DNAH14: variants seen among roughly 807,000 people sequenced by gnomAD.
DNAH14 encodes dynein axonemal heavy chain 14.
In DNAH14, 478 loss-of-function variants were observed where a neutral mutation model predicts 520.9. The ratio of observed to expected loss-of-function variants is 0.92; its 90% CI spans 0.85 to 0.99. The LOEUF is 0.99. DNAH14 is among the 50% of genes least tolerant of loss of function. The pLI is 0.00. For synonymous variants in DNAH14, 1,581 were observed against 1,757.2 expected (o/e 0.90, Z 2.51); for missense variants, 4,831 against 5,234.5 (o/e 0.92, Z 2.38).
intron 15 of DNAH14, among the ~76,000 whole-genome samples, chr1:225,047,016 G>A (rs2068025630): frequency 6.6e-6 from 1 of 152,066 alleles, no homozygotes; most frequent in African/African-American, 2.4e-5. Context: ...AGGAACCCTG[G>A]ATTAGAGAAG....
At chr1:225,074,156 C>T (rs933270666) in intron 17 of DNAH14, among the ~76,000 whole-genome samples, 4 of 151,608 alleles carry the variant, frequency 2.6e-5, no homozygotes, top group Admixed American at 6.6e-5. Flanking sequence ...CCCGCCACTA[C>T]GCCCGGCTAA....
At chr1:225,359,804 G>C (rs1483004706) in intron 74 of DNAH14, among the ~76,000 whole-genome samples, 1 of 152,190 alleles carries the variant, frequency 6.6e-6, no homozygotes, top group Non-Finnish European at 1.5e-5. Flanking sequence ...TCCCTTTAAG[G>C]AGATATCCAA....
chr1:225,151,137 T>C (rs933974984), intron 31 of DNAH14, among the ~76,000 whole-genome samples: 4 of 152,254 alleles, frequency 2.6e-5, no homozygotes, highest in Non-Finnish European at 5.9e-5. Flanking sequence ...TACTAATGTT[T>C]AGCAATAAAA....
chr1:225,167,379 GT>G (rs1452170268), intron 35 of DNAH14, among the ~76,000 whole-genome samples: 9 of 152,322 alleles, frequency 5.9e-5, no homozygotes, highest in African/African-American at 1.7e-4. Flanking sequence ...AGGAAGCACA[GT>G]TTCCCTTATA....
chr1:225,237,420 A>T (rs913334431), intron 42 of DNAH14, among the ~76,000 whole-genome samples: 11 of 152,086 alleles, frequency 7.2e-5, no homozygotes, highest in Admixed American at 3.3e-4. Flanking sequence ...AAACTCTAGG[A>T]ATGTTGAATA....
chr1:225,191,817 C>T (rs1468577504), intron 37 of DNAH14, among the ~76,000 whole-genome samples: 1 of 151,840 alleles, frequency 6.6e-6, no homozygotes, highest in East Asian at 1.9e-4. Context: ...TTTTTATCTG[C>T]TTAAATCTGC....
intron 43 of DNAH14, among the ~76,000 whole-genome samples, chr1:225,242,903 A>G (rs752623729): frequency 2.0e-5 from 3 of 152,206 alleles, no homozygotes; most frequent in Non-Finnish European, 2.9e-5. Context: ...TTTCAGCTCC[A>G]TTATAATCTT....
chr1:225,303,107 C>T (rs17580673), intron 56 of DNAH14, 49 bp from the exon 57 acceptor site: 206,343 of 1,266,170 alleles, frequency 0.16, 18,326 homozygotes, highest in South Asian at 0.2. Flanking sequence ...AATATTTTTT[C>T]AAAACAGTGG....
rs1558628755 is a variant in DNAH14, at chr1:225,395,486, A to AGAGGCT, written c.13492-3028_13492-3023dup. Reference sequence around the variant, plus strand: ...GGGCGCCTGTAGTCCCAGCTACTCGAGAGGCTGAGGCAGGAGAATGGCGTG... The same window carrying AGAGGCT: ...GGGCGCCTGTAGTCCCAGCTACTCGAGAGGCTGAGGCTGAGGCAGGAGAATGGCGTG... On this transcript the variant is annotated intron_variant, in intron 84 of 85. Transcript: ENST00000682510. 4.0e-5 allele frequency among the ~76,000 whole-genome samples: 6 copies of AGAGGCT among 151,350 alleles called. No individual in the cohort carries two copies. In the South Asian group the frequency reaches 1.3e-3, roughly 32 times the overall value.
At chr1:225,228,588 T>C (rs2090780878) in intron 41 of DNAH14, among the ~76,000 whole-genome samples, 1 of 148,672 alleles carries the variant, frequency 6.7e-6, no homozygotes, top group African/African-American at 2.5e-5. Flanking sequence ...ACATCTCTCC[T>C]GGATAGACCC....
intron 51 of DNAH14, among the ~76,000 whole-genome samples, chr1:225,272,477 T>C (rs1479278429): frequency 6.6e-6 from 1 of 152,212 alleles, no homozygotes; most frequent in Admixed American, 6.5e-5. Context: ...CAAATAATTT[T>C]CAAAATTGAA....
intron 4 of DNAH14, 54 bp from the exon 5 acceptor site, chr1:224,964,425 T>G: frequency 6.4e-7 from 1 of 1,551,626 alleles, no homozygotes; most frequent in Non-Finnish European, 8.7e-7. Flanking sequence ...GCATTATCCT[T>G]AAGTGATGCC....
At chr1:225,210,198 A>G (rs187408360) in intron 41 of DNAH14, among the ~76,000 whole-genome samples, 1 of 152,042 alleles carries the variant, frequency 6.6e-6, no homozygotes, top group Admixed American at 6.5e-5. Context: ...GAAACCAGAA[A>G]GCCACGTGGT....
At chr1:224,987,115 A>G (rs973146507) in intron 8 of DNAH14, among the ~76,000 whole-genome samples, 9 of 109,810 alleles carry the variant, frequency 8.2e-5, no homozygotes, top group African/African-American at 3.6e-4. Flanking sequence ...GAGGAGAGAG[A>G]GAAAGAGACA....
intron 68 of DNAH14, among the ~76,000 whole-genome samples, chr1:225,338,465 C>A (rs2095108767): frequency 6.6e-6 from 1 of 152,042 alleles, no homozygotes; most frequent in African/African-American, 2.4e-5. Flanking sequence ...GGGGAGCAAG[C>A]GAGAAGCCTG....
At chr1:225,284,173 A>G (rs565841587) in intron 54 of DNAH14, among the ~76,000 whole-genome samples, 10 of 152,176 alleles carry the variant, frequency 6.6e-5, no homozygotes, top group Admixed American at 3.3e-4. Flanking sequence ...AAAGTAGAGA[A>G]TATAAAACCA....
Position 225,050,289 on chromosome 1 carries a change from G to T in DNAH14, c.1992G>T (p.Lys664Asn), listed in dbSNP as rs1042480524. The T allele has an allele frequency of 1.9e-6, 3 of 1,549,732 alleles. No individual in the cohort carries two copies. In the African/African-American group the frequency reaches 4.1e-5, roughly 21 times the overall value. Residue 664 changes from lysine (K) to asparagine (N), a missense_variant, in exon 16 of 86, where the codon AAG becomes AAT. By Grantham distance (94) the Lys-to-Asn change is moderately conservative. Coordinates refer to ENST00000682510, the MANE Select transcript of DNAH14 (RefSeq NM_001367479.1). ...DLVSIMDLPNKTGSIIHYKEQ... is the reference protein window; with the variant it reads ...DLVSIMDLPNNTGSIIHYKEQ... ...TTTCAATAATGGATTTACCTAATAA[G>T]ACAGGAAGCATAATACATTATAAAG... is the stretch of plus-strand genomic sequence containing the variant.
At chr1:225,279,096 A>G (rs778145297) in intron 54 of DNAH14, among the ~76,000 whole-genome samples, 4 of 152,202 alleles carry the variant, frequency 2.6e-5, no homozygotes, top group Non-Finnish European at 2.9e-5. Flanking sequence ...TCCTGGGTTC[A>G]AGCAATTCTC....
At chr1:225,392,265 TTGA>T (rs1558617731) in intron 83 of DNAH14, 23 bp from the exon 84 acceptor site, 1 of 1,551,646 alleles carries the variant, frequency 6.4e-7, no homozygotes, top group Admixed American at 2.0e-5. Context: ...CACAAGGAAC[TTGA>T]TGGTGTGTGT....
Sources: gnomAD v4.1 joint callset for allele counts (sites outside exome capture counted in the v4.1 genomes callset) on GRCh38, gnomAD v4.1.1 for gene constraint, MANE v1.5 for transcripts, NCBI Gene and HGNC (gene_info 2026-07-23, HGNC 2026-07-21) for gene names.